NFKB1: variants seen among roughly 807,000 people sequenced by gnomAD.
NFKB1 encodes nuclear factor kappa B subunit 1.
A neutral mutation model predicts 105.1 loss-of-function variants in NFKB1; 9 were observed. That is an observed-to-expected ratio of 0.09 (90% CI 0.05 to 0.15). The LOEUF (loss-of-function observed/expected upper bound fraction) is 0.15, where lower values mean the gene tolerates loss of function less well. Among genes scored for constraint, NFKB1 ranks in the 10% least tolerant of loss-of-function variants. The pLI is 1.00. For missense variants in NFKB1, 830 were observed against 1,203.7 expected, an observed-to-expected ratio of 0.69 and a Z score of 4.59; for synonymous variants, 440 against 442.2, an observed-to-expected ratio of 1.00 and a Z score of 0.06.
At chr4:102,595,033 T>G in intron 13 of NFKB1, 52 bp downstream of exon 13, 1 of 1,256,022 alleles carries the variant, frequency 8.0e-7, no homozygotes, top group Non-Finnish European at 1.1e-6. Context: ...TAATTAATGC[T>G]AAAAAGGGTT....
At chr4:102,582,729 A>G (rs1725407918) in intron 9 of NFKB1, 137 bp from the exon 10 acceptor site, 1 of 519,604 alleles carries the variant, frequency 1.9e-6, no homozygotes, top group Admixed American at 3.3e-5. Context: ...ATTTTAAAAG[A>G]CTGAACCTTT....
chr4:102,520,431 T>C (rs1482477978), intron 1 of NFKB1, among the ~76,000 whole-genome samples: 2 of 152,356 alleles, frequency 1.3e-5, no homozygotes, highest in Non-Finnish European at 2.9e-5. Flanking sequence ...ATGTTGTATA[T>C]GTATCTGCCA....
chr4:102,589,762 TTGAC>T (rs1477082119), intron 11 of NFKB1, among the ~76,000 whole-genome samples: 4 of 152,010 alleles, frequency 2.6e-5, no homozygotes, highest in African/African-American at 9.7e-5. Flanking sequence ...GAATACCTCA[TTGAC>T]TGTATTTAAT....
chr4:102,533,401 G>A (rs1244552712), intron 3 of NFKB1, among the ~76,000 whole-genome samples: 1 of 152,190 alleles, frequency 6.6e-6, no homozygotes, highest in Non-Finnish European at 1.5e-5. Context: ...TTCACATTAA[G>A]CACACTCTCT....
chr4:102,501,862 C>T (rs979092315), intron 1 of NFKB1, 74 bp downstream of exon 1: 6 of 152,690 alleles, frequency 3.9e-5, no homozygotes, highest in East Asian at 1.9e-4. Flanking sequence ...GCCCTCCGCA[C>T]CCCCTCCAGC....
chr4:102,545,103 C>G (rs2149135971), intron 5 of NFKB1, among the ~76,000 whole-genome samples: 1 of 152,300 alleles, frequency 6.6e-6, no homozygotes, highest in African/African-American at 2.4e-5. Flanking sequence ...TTGATAAGGT[C>G]AAGTGAACAC....
In NFKB1 at chr4:102,616,773, T is replaced by C; in HGVS notation, c.*179T>C. ...CCTTTCTTGGTTCATAAATGAATTT[T>C]AGTTTGGTTCACTTACAGATAGTAT... On this transcript the variant is annotated 3_prime_UTR_variant, in exon 24 of 24. Coordinates refer to ENST00000226574, the MANE Select transcript of NFKB1 (RefSeq NM_003998.4). 1.6e-6 allele frequency: 1 copy of C among 633,842 alleles called. No homozygotes were observed. The highest frequency in any genetic ancestry group is 2.6e-6 in the Non-Finnish European group (1 of 380,828). The allele number at this position is 633,842 out of a possible 1,614,324, so 39.3% of individuals were successfully genotyped here.
Position 102,596,150 on chromosome 4 carries a change from C to A in NFKB1, c.1313C>A (p.Thr438Asn), listed in dbSNP as rs747186194. Residue 438 changes from threonine (T) to asparagine (N), a missense_variant, in exon 14 of 24, where the codon ACT (threonine) becomes AAT (asparagine). Thr to Asn is a moderately conservative substitution (Grantham distance 65, BLOSUM62 0). This residue lies in a region of NFKB1 where 163 missense variants were observed against 164.3 expected (regional missense o/e 0.99). Transcript: ENST00000226574. ...NAGMKHGTMD[T>N]ESKKDPEGCD... is the part of the protein sequence containing the mutation. Reference sequence around the variant, plus strand: ...GCATTTATCTTAGGAACCATGGACACTGAATCTAAAAAGGACCCTGAAGGT... The same window carrying A: ...GCATTTATCTTAGGAACCATGGACAATGAATCTAAAAAGGACCCTGAAGGT... The A allele has an allele frequency of 6.3e-7, 1 of 1,594,366 alleles. No homozygotes were observed. The highest frequency in any genetic ancestry group is 8.6e-7 in the Non-Finnish European group (1 of 1,168,286).
chr4:102,505,090 T>A (rs1362309599), intron 1 of NFKB1, among the ~76,000 whole-genome samples: 2 of 152,160 alleles, frequency 1.3e-5, no homozygotes, highest in Non-Finnish European at 2.9e-5. Context: ...GTATTAGGGG[T>A]TGTTCCTGGG....
At chr4:102,579,136 A>C (rs1007417395) in intron 8 of NFKB1, 97 bp downstream of exon 8, 2 of 1,276,282 alleles carry the variant, frequency 1.6e-6, no homozygotes, top group African/African-American at 1.5e-5. Flanking sequence ...AAGGTAACTT[A>C]ATCACTTTAA....
chr4:102,594,425 CAA>C (rs1726435614), intron 12 of NFKB1, among the ~76,000 whole-genome samples: 1 of 152,144 alleles, frequency 6.6e-6, no homozygotes, highest in African/African-American at 2.4e-5. Flanking sequence ...TCTGTTTTCC[CAA>C]AGAGTTGTAC....
intron 4 of NFKB1, 199 bp from the exon 5 acceptor site, chr4:102,537,659 A>G (rs528936650): frequency 6.7e-6 from 3 of 447,030 alleles, no homozygotes; most frequent in East Asian, 4.1e-5. Context: ...ATCTTAGTGT[A>G]CAAATATCAA....
intron 5 of NFKB1, among the ~76,000 whole-genome samples, chr4:102,556,425 T>A (rs567637599): frequency 6.6e-6 from 1 of 152,280 alleles, no homozygotes; most frequent in Non-Finnish European, 1.5e-5. Flanking sequence ...TGAGCATCGA[T>A]CTCTGCTGAA....
At chr4:102,558,030 C>T (rs1009411056) in intron 5 of NFKB1, among the ~76,000 whole-genome samples, 3 of 146,428 alleles carry the variant, frequency 2.0e-5, no homozygotes, top group Non-Finnish European at 3.0e-5. Context: ...TGATATCTAG[C>T]CTTTTTTTTT....
At chr4:102,514,886 C>G (rs1175370263) in intron 1 of NFKB1, among the ~76,000 whole-genome samples, 1 of 151,974 alleles carries the variant, frequency 6.6e-6, no homozygotes, top group Admixed American at 6.6e-5. Context: ...TCTACTTTAT[C>G]TGATATTTTA....
chr4:102,604,425 C>T (rs1413593645), intron 16 of NFKB1, among the ~76,000 whole-genome samples: 1 of 152,128 alleles, frequency 6.6e-6, no homozygotes, highest in Non-Finnish European at 1.5e-5. Flanking sequence ...AACCTCAGAA[C>T]AGTGTCAAAA....
intron 7 of NFKB1, chr4:102,578,256 A>G (rs1725028257): frequency 6.6e-6 from 1 of 152,324 alleles, no homozygotes; most frequent in African/African-American, 2.4e-5. Flanking sequence ...CTTCTTTGAA[A>G]TCCCACATCA....
chr4:102,520,800 T>C (rs933200362), intron 1 of NFKB1, among the ~76,000 whole-genome samples: 5 of 152,220 alleles, frequency 3.3e-5, no homozygotes, highest in African/African-American at 1.2e-4. Flanking sequence ...GTATTTCTTA[T>C]GAAGATTTCA....
intron 6 of NFKB1, among the ~76,000 whole-genome samples, chr4:102,576,325 ATTC>A (rs1724817330): frequency 6.6e-6 from 1 of 152,206 alleles, no homozygotes; most frequent in Non-Finnish European, 1.5e-5. Flanking sequence ...CAAATATAAT[ATTC>A]TTCTTATTCT....
Sources: allele counts gnomAD v4.1 joint callset (sites outside exome capture counted in the v4.1 genomes callset), GRCh38; gene constraint gnomAD v4.1.1; regional missense constraint gnomAD v4.1.1; transcripts MANE v1.5; gene names NCBI Gene and HGNC (gene_info 2026-07-23, HGNC 2026-07-21).